Variants in VPS36 observed in about 807,000 individuals in gnomAD.
VPS36 encodes the protein vacuolar protein-sorting-associated protein 36.
Under a neutral mutation model 63.5 loss-of-function variants are expected in VPS36, and 31 were observed. The ratio of observed to expected loss-of-function variants is 0.49; its 90% CI spans 0.37 to 0.66. The LOEUF (loss-of-function observed/expected upper bound fraction) is 0.66. VPS36 is among the 30% of genes least tolerant of loss of function. VPS36 has a pLI of 0.00. For synonymous variants in VPS36, 138 were observed against 157.2 expected (o/e 0.88, Z 0.91); for missense variants, 338 against 463.7 (o/e 0.73, Z 2.49).
chr13:52,443,340 G>A (rs576869885), intron 1 of VPS36, among the ~76,000 whole-genome samples: 12 of 152,258 alleles, frequency 7.9e-5, no homozygotes, highest in Middle Eastern at 3.4e-3. Context: ...AACCCTCAAT[G>A]CGATGGTATT....
At position 52,414,347 on chromosome 13, in the gene VPS36, C is replaced by T. The variant is rs1957973660; in HGVS notation, c.*1483G>A. On this transcript the variant is annotated 3_prime_UTR_variant, in exon 14 of 14. Coordinates refer to ENST00000378060, the MANE Select transcript of VPS36 (RefSeq NM_016075.4). ...CCCTCAAAATAAACCTGAGGCTGAG[C>T]AATGGGGGAACCAGAGGATCTGTCA... The T allele has an allele frequency of 6.6e-6, 1 of 152,228 alleles. No homozygotes were observed. The highest frequency in any genetic ancestry group is 1.9e-4 in the East Asian group (1 of 5,182). 9.4% of individuals were successfully genotyped at this position (152,228 alleles called of 1,614,324 possible). A position where few individuals can be genotyped will look rare whatever the true frequency, so the allele number is the denominator to read the frequency against.
intron 6 of VPS36, chr13:52,429,399 T>TATTCATCTTTGTATCCCCTCCCACTA: frequency 1.5e-6 from 1 of 655,784 alleles, no homozygotes; most frequent in Non-Finnish European, 1.9e-6. Flanking sequence ...GCCTTTGACT[T>TATTCATCTTTGTATCCCCTCCCACTA]CCATATTCCT....
chr13:52,449,906 G>C, intron 1 of VPS36: 1 of 985,128 alleles, frequency 1.0e-6, no homozygotes, highest in Non-Finnish European at 1.2e-6. Context: ...CCTTTGGCAA[G>C]GGCATTCCAA....
rs191892969 is a variant in VPS36, at chr13:52,442,054, C to T, written c.165+323G>A. Among the ~76,000 whole-genome samples the T allele has an allele frequency of 1.3e-3, 203 of 152,264 alleles. 1 individual carries two copies. The highest frequency in any genetic ancestry group is 9.7e-4 in the Non-Finnish European group (66 of 68,028). On this transcript the variant is annotated intron_variant, in intron 2 of 13. Coordinates refer to ENST00000378060, the MANE Select transcript of VPS36 (RefSeq NM_016075.4). The stretch of plus-strand genomic sequence containing the variant: ...GATTTTTCTGGAGCTGAATAAGGGA[C>T]GACACGCTAACTCCTGTTTTTGCAC...
At chr13:52,421,110 C>T (rs1958041435) in intron 10 of VPS36, among the ~76,000 whole-genome samples, 1 of 151,734 alleles carries the variant, frequency 6.6e-6, no homozygotes, top group South Asian at 2.1e-4. Flanking sequence ...TACTCTGTCT[C>T]AAAAATACAA....
chr13:52,445,369 G>A (rs1198016022), intron 1 of VPS36, among the ~76,000 whole-genome samples: 1 of 152,176 alleles, frequency 6.6e-6, no homozygotes, highest in Non-Finnish European at 1.5e-5. Flanking sequence ...GCCGGGCGCG[G>A]TGGCTCATGC....
Position 52,416,093 on chromosome 13 carries a change from C to G in VPS36, c.991G>C (p.Val331Leu), listed in dbSNP as rs1270589967. 6.2e-7 allele frequency: 1 copy of G among 1,612,292 alleles called. No homozygotes were observed. Among genetic ancestry groups the G allele is most frequent in the Non-Finnish European group, 8.5e-7 (1 of 1,179,490 alleles). ...EEMVASALET[V>L]SEKGSLTSEE... ...GATGTTAGGGATCCCTTTTCTGAAA[C>G]CTAATAGAAACACACAGCAGAAAAA... Residue 331 changes from valine to leucine, a missense_variant and splice_region_variant, in exon 13 of 14, where the codon GTT (valine) becomes CTT (leucine). Coordinates refer to ENST00000378060, the MANE Select transcript of VPS36 (RefSeq NM_016075.4).
intron 1 of VPS36, 74 bp downstream of exon 1, chr13:52,450,425 C>G (rs895681348): frequency 2.1e-6 from 3 of 1,458,658 alleles, no homozygotes; most frequent in Non-Finnish European, 2.7e-6. Flanking sequence ...CGACCCGGGC[C>G]GCGCTGAGCC....
chr13:52,419,109 T>C (rs1958021661), intron 10 of VPS36, among the ~76,000 whole-genome samples: 1 of 152,262 alleles, frequency 6.6e-6, no homozygotes, highest in South Asian at 2.1e-4. Context: ...TACTGACTAA[T>C]GGCAGCTATG....
intron 10 of VPS36, among the ~76,000 whole-genome samples, chr13:52,419,061 A>C (rs1365702571): frequency 6.6e-6 from 1 of 152,242 alleles, no homozygotes; most frequent in Non-Finnish European, 1.5e-5. Flanking sequence ...GGGAGGATAA[A>C]TGAGGTAACA....
At position 52,415,774 on chromosome 13, in the gene VPS36, T is replaced by C; in HGVS notation, c.*56A>G. 1.3e-6 allele frequency: 2 copies of C among 1,527,828 alleles called. No individual in the cohort carries two copies. Among genetic ancestry groups the C allele is most frequent in the Non-Finnish European group, 1.8e-6 (2 of 1,107,942 alleles). 94.6% of individuals were successfully genotyped at this position (1,527,828 alleles called of 1,614,324 possible). Reference sequence around the variant, plus strand: ...GGGTTTATCTCTTAGCTCAATGTCATACAACCTCTACATGACGCAAGCATA... The same window carrying C: ...GGGTTTATCTCTTAGCTCAATGTCACACAACCTCTACATGACGCAAGCATA... On this transcript the variant is annotated 3_prime_UTR_variant, in exon 14 of 14. Transcript: ENST00000378060.
At chr13:52,430,320 A>C (rs1566086004) in intron 6 of VPS36, among the ~76,000 whole-genome samples, 1 of 152,210 alleles carries the variant, frequency 6.6e-6, no homozygotes, top group Non-Finnish European at 1.5e-5. Context: ...TCCCAGAAGA[A>C]AAAAAATCAA....
intron 1 of VPS36, chr13:52,450,177 G>A: frequency 9.8e-7 from 1 of 1,018,380 alleles, no homozygotes; most frequent in Non-Finnish European, 1.2e-6. Flanking sequence ...CAGACGGCGA[G>A]CGCTCCTTCT....
At chr13:52,448,944 A>G (rs143986456) in intron 1 of VPS36, among the ~76,000 whole-genome samples, 2,610 of 152,338 alleles carry the variant, frequency 0.017, 73 homozygotes, top group Admixed American at 0.08. Flanking sequence ...TAACCTTCCC[A>G]TTTTAAATAG....
chr13:52,435,000 T>C (rs983124725), intron 4 of VPS36, 118 bp from the exon 5 acceptor site: 2 of 966,750 alleles, frequency 2.1e-6, no homozygotes, highest in African/African-American at 3.4e-5. Context: ...AGGTGGAGTT[T>C]TGTTCTTGTT....
rs776119057 is a variant in VPS36 at position 52,415,807 on chromosome 13, A to T, written c.*23T>A. 1 of 1,610,026 alleles carries T rather than the reference A, an allele frequency of 6.2e-7. No homozygotes were observed. The highest frequency in any genetic ancestry group is 1.1e-5 in the South Asian group (1 of 90,374). ...CTACATGACGCAAGCATATGGACAA[A>T]AAGGATTTTAAATACAAAACCCTTA... On this transcript the variant is annotated 3_prime_UTR_variant, in exon 14 of 14. Coordinates refer to ENST00000378060, the MANE Select transcript of VPS36 (RefSeq NM_016075.4).
rs1221269957 is a variant in VPS36 at position 52,427,219 on chromosome 13, C to A, written c.529G>T (p.Ala177Ser). The A allele has an allele frequency of 1.2e-6, 2 of 1,612,632 alleles. No individual in the cohort carries two copies. Among genetic ancestry groups the A allele is most frequent in the Non-Finnish European group, 1.7e-6 (2 of 1,179,284 alleles). ...ATTAGTTTGCTGAGGTCTTCAAAGG[C>A]CTGAAATGAGAAATGAATTTTGGTT... ...RKETDKNISE[A>S]FEDLSKLMIK... The change falls in exon 7 of 14, where the codon GCC (alanine) becomes TCC (serine). Residue 177 changes from alanine (A) to serine (S), a missense_variant and splice_region_variant. Coordinates refer to ENST00000378060, the MANE Select transcript of VPS36 (RefSeq NM_016075.4).
chr13:52,434,669 C>A (rs903784515), intron 5 of VPS36, 124 bp downstream of exon 5: 49 of 980,602 alleles, frequency 5.0e-5, no homozygotes, highest in African/African-American at 4.4e-4. Flanking sequence ...AAAATAAATT[C>A]TTTATAAGAA....
intron 6 of VPS36, among the ~76,000 whole-genome samples, chr13:52,429,575 A>G (rs963091850): frequency 2.0e-5 from 3 of 152,248 alleles, no homozygotes; most frequent in Non-Finnish European, 4.4e-5. Context: ...CTCTGATACA[A>G]GGCCTGGCAC....
Sources: allele counts gnomAD v4.1 joint callset (sites outside exome capture counted in the v4.1 genomes callset), GRCh38; gene constraint gnomAD v4.1.1; transcripts MANE v1.5; gene names NCBI Gene and HGNC (gene_info 2026-07-23, HGNC 2026-07-21).